The following G2E3 variants were observed in gnomAD, a reference collection of about 807,000 sequenced individuals.
G2E3 encodes G2/M phase-specific E3 ubiquitin-protein ligase.
Under a neutral mutation model 92.8 loss-of-function variants are expected in G2E3, and 35 were observed. The observed-to-expected ratio is 0.38, with a 90% CI of 0.29 to 0.50. The LOEUF is 0.50. Ranked by LOEUF, G2E3 falls within the 20% of genes least tolerant of loss-of-function variation. G2E3 has a pLI of 0.94. For synonymous variants in G2E3, 242 were observed against 272.4 expected, an observed-to-expected ratio of 0.89 and a Z score of 1.10; for missense variants, 554 against 823.8, an observed-to-expected ratio of 0.67 and a Z score of 4.01.
intron 10 of G2E3, among the ~76,000 whole-genome samples, chr14:30,602,387 G>C (rs980219403): frequency 6.0e-5 from 9 of 151,094 alleles, no homozygotes; most frequent in Non-Finnish European, 1.5e-5. Flanking sequence ...TGCATCATAC[G>C]TGGGAAAAGT....
chr14:30,592,374 C>T lies in G2E3; in HGVS notation c.289C>T (p.Arg97Ter), dbSNP rs1239636479. ...NGASIGCVAP[R>*]CKRSYHFPCG... ...TGCTTCAATTGGATGTGTTGCACCC[C>T]GATGTAAACGAAGTTATCATTTCCC... Residue 97 changes from arginine (R) to a stop codon, truncating the protein, a stop_gained, in exon 5 of 15, where the codon CGA (arginine) becomes TGA (stop). Transcript: ENST00000206595. LOFTEE classifies it high-confidence loss of function. 1.2e-6 allele frequency: 2 copies of T among 1,608,360 alleles called. No individual in the cohort carries two copies. Among genetic ancestry groups the T allele is most frequent in the East Asian group, 2.2e-5 (1 of 44,652 alleles).
At chr14:30,614,022 TTTA>T (rs1246711693) in intron 13 of G2E3, among the ~76,000 whole-genome samples, 1 of 152,124 alleles carries the variant, frequency 6.6e-6, no homozygotes, top group Non-Finnish European at 1.5e-5. Flanking sequence ...GTGATTAGTT[TTTA>T]TTAACATTTC....
Position 30,567,908 on chromosome 14 carries a change from G to C in G2E3, c.-5+8636G>C, listed in dbSNP as rs182451169. 3.3e-3 allele frequency among the ~76,000 whole-genome samples: 499 copies of C among 152,126 alleles called. 4 individuals are homozygous for C. The highest frequency in any genetic ancestry group is 0.011 in the African/African-American group (471 of 41,534). ...CCATAGTCATTGGAGAGGATATTTT[G>C]TGTGATTTCAGTCTTGTAAAATGTA... is the stretch of plus-strand genomic sequence containing the variant. On this transcript the variant is annotated intron_variant, in intron 1 of 14. Transcript: ENST00000206595.
rs376052707 is a variant in G2E3 at position 30,589,628 on chromosome 14, TAGG to T, written c.237+149_237+151del. Reference sequence around the variant, plus strand: ...TTTGTCATTTAAATATGGTAAGTTTTAGGAGGACAGTTTATATTTTTGCCCATT... The same window carrying T: ...TTTGTCATTTAAATATGGTAAGTTTTAGGACAGTTTATATTTTTGCCCATT... On this transcript the variant is annotated intron_variant, in intron 4 of 14. Coordinates refer to ENST00000206595, the MANE Select transcript of G2E3 (RefSeq NM_017769.5). The T allele has an allele frequency of 5.3e-6, 3 of 562,164 alleles. 1 individual carries two copies. Among genetic ancestry groups the T allele is most frequent in the Middle Eastern group, 3.6e-4 (1 of 2,768 alleles). 34.8% of individuals were successfully genotyped at this position (562,164 alleles called of 1,614,324 possible).
At position 30,605,532 on chromosome 14, in the gene G2E3, A is replaced by G. The variant is rs752161879; in HGVS notation, c.1038A>G (p.Val346=). The stretch of plus-strand genomic sequence containing the variant: ...AAGGCAGCAAATTTAGAAGAAATGT[A>G]TCAACACTATTAATAGAGTTAGGAT... ...LRQGSKFRRN[V]STLLIELGFQ... is the part of the protein sequence containing the mutation. Residue 346 remains valine, a synonymous_variant, in exon 11 of 15, where the codon GTA becomes GTG. Coordinates refer to ENST00000206595, the MANE Select transcript of G2E3 (RefSeq NM_017769.5). 1.4e-6 allele frequency: 2 copies of G among 1,412,044 alleles called. No homozygotes were observed. The highest frequency in any genetic ancestry group is 2.0e-6 in the Non-Finnish European group (2 of 1,024,298). The allele number at this position is 1,412,044 out of a possible 1,614,324, so 87.5% of individuals were successfully genotyped here.
chr14:30,593,499 G>A lies in G2E3; in HGVS notation c.388G>A (p.Val130Ile). Residue 130 changes from valine to isoleucine, a missense_variant, in exon 6 of 15, where the codon GTT (valine) becomes ATT (isoleucine). Coordinates refer to ENST00000206595, the MANE Select transcript of G2E3 (RefSeq NM_017769.5). ...FASFCWDHRP[V>I]QIITSNNYRE... ...GTCATTTTGTTGGGACCATCGACCT[G>A]TTCAAATAATTACATCTAATAATTA... is the stretch of plus-strand genomic sequence containing the variant. 2 of 1,559,756 alleles carry A rather than the reference G, an allele frequency of 1.3e-6. No individual in the cohort carries two copies. Among genetic ancestry groups the A allele is most frequent in the African/African-American group, 1.4e-5 (1 of 73,768 alleles).
chr14:30,593,302 C>T (rs540538395), intron 5 of G2E3, among the ~76,000 whole-genome samples, 172 bp from the exon 6 acceptor site: 8 of 152,262 alleles, frequency 5.3e-5, no homozygotes, highest in African/African-American at 1.9e-4. Context: ...GTCCAGCTCT[C>T]TCCTTGGTCA....
At chr14:30,583,069 G>A (rs1728496607) in intron 2 of G2E3, among the ~76,000 whole-genome samples, 1 of 152,132 alleles carries the variant, frequency 6.6e-6, no homozygotes, top group African/African-American at 2.4e-5. Flanking sequence ...ACAGTCCAGT[G>A]TGCATGGTTT....
At chr14:30,600,241 G>A (rs1881500412) in intron 8 of G2E3, among the ~76,000 whole-genome samples, 1 of 152,148 alleles carries the variant, frequency 6.6e-6, no homozygotes, top group Non-Finnish European at 1.5e-5. Flanking sequence ...CTGAGGTCTA[G>A]CCTGCTCTGG....
intron 3 of G2E3, among the ~76,000 whole-genome samples, chr14:30,589,151 A>G (rs549990868): frequency 6.6e-6 from 1 of 151,888 alleles, no homozygotes; most frequent in South Asian, 2.1e-4. Context: ...TTCCTGGAAT[A>G]CTTTTAGAAA....
intron 1 of G2E3, among the ~76,000 whole-genome samples, chr14:30,564,635 A>G (rs540902645): frequency 4.6e-5 from 7 of 152,354 alleles, no homozygotes; most frequent in Non-Finnish European, 7.3e-5. Context: ...TGCCCAGTCA[A>G]AAATTAGCCA....
At position 30,612,368 on chromosome 14, in the gene G2E3, A is replaced by C; in HGVS notation, c.1662A>C (p.Thr554=). The change falls in exon 13 of 15, where the codon ACA becomes ACC. Residue 554 remains threonine (T), a synonymous_variant. Transcript: ENST00000206595. ...LGYHVIQRVH[T]PFESFKQGLK... is the part of the protein sequence containing the mutation. ...ACCATGTAATTCAGAGAGTCCACACACCCTTTGAAAGGTAAGTTGTTTCTA... is the reference window on the plus strand; with the variant it reads ...ACCATGTAATTCAGAGAGTCCACACCCCCTTTGAAAGGTAAGTTGTTTCTA... 6.4e-7 allele frequency: 1 copy of C among 1,571,646 alleles called. No individual in the cohort carries two copies. The highest frequency in any genetic ancestry group is 8.6e-7 in the Non-Finnish European group (1 of 1,157,998).
chr14:30,600,658 A>C (rs1753180220), intron 8 of G2E3, among the ~76,000 whole-genome samples: 1 of 152,208 alleles, frequency 6.6e-6, no homozygotes, highest in Non-Finnish European at 1.5e-5. Flanking sequence ...CAGGACAAAG[A>C]TATTGTCTAT....
chr14:30,599,335 C>T (rs2138873434), intron 8 of G2E3, among the ~76,000 whole-genome samples: 2 of 152,292 alleles, frequency 1.3e-5, no homozygotes, highest in African/African-American at 4.8e-5. Flanking sequence ...TCAAGCAGTT[C>T]TCCTGCCTCA....
At chr14:30,560,026 G>A (rs193150630) in intron 1 of G2E3, 105 of 152,102 alleles carry the variant, frequency 6.9e-4, no homozygotes, top group African/African-American at 2.4e-3. Context: ...CTCATTCATT[G>A]GCCAACTGGG....
intron 4 of G2E3, chr14:30,590,657 T>C (rs1276245094): frequency 4.4e-6 from 2 of 455,420 alleles, no homozygotes; most frequent in Non-Finnish European, 8.8e-6. Context: ...TTTGAAGATA[T>C]CAAGAAGGTA....
At chr14:30,581,773 A>G (rs974179836) in intron 2 of G2E3, among the ~76,000 whole-genome samples, 1 of 152,190 alleles carries the variant, frequency 6.6e-6, no homozygotes, top group Non-Finnish European at 1.5e-5. Context: ...ATCTTCCCAA[A>G]TAGATGCGGT....
At chr14:30,608,655 G>C (rs229231) in intron 12 of G2E3, among the ~76,000 whole-genome samples, 1 of 151,990 alleles carries the variant, frequency 6.6e-6, no homozygotes, top group Non-Finnish European at 1.5e-5. Context: ...TGTCACATGT[G>C]CAAACACTCA....
In G2E3 at chr14:30,593,571, A is replaced by T; in HGVS notation, c.460A>T (p.Ile154Phe). ...CATTTGCTTGGAATTTATTGAGCCT[A>T]TTCCAAGTTATAACATATTACGAAG... ...CTICLEFIEP[I>F]PSYNILRSPC... Residue 154 changes from isoleucine to phenylalanine, a missense_variant, in exon 6 of 15, where the codon ATT becomes TTT. Around this residue, in one of 3 missense-constraint regions of G2E3, gnomAD observed 137 missense variants for 201.3 expected, o/e 0.68. Coordinates refer to ENST00000206595, the MANE Select transcript of G2E3 (RefSeq NM_017769.5). The T allele has an allele frequency of 6.2e-7, 1 of 1,601,758 alleles. No homozygotes were observed. Among genetic ancestry groups the T allele is most frequent in the South Asian group, 1.1e-5 (1 of 90,574 alleles).
Sources: allele counts gnomAD v4.1 joint callset (sites outside exome capture counted in the v4.1 genomes callset), GRCh38; gene constraint gnomAD v4.1.1; regional missense constraint gnomAD v4.1.1; transcripts MANE v1.5; gene names NCBI Gene and HGNC (gene_info 2026-07-23, HGNC 2026-07-21).